Variants in AFF1 observed in about 807,000 individuals in gnomAD.
AFF1 encodes ALF transcription elongation factor 1.
In AFF1, 48 loss-of-function variants were observed where a neutral mutation model predicts 121.7. The observed-to-expected ratio is 0.39, with a 90% CI of 0.31 to 0.50. AFF1 has a LOEUF of 0.50. AFF1 is among the 20% of genes least tolerant of loss of function. AFF1 has a pLI of 0.76. For synonymous variants in AFF1, 613 were observed against 563.0 expected (o/e 1.09, Z -1.26); for missense variants, 1,523 against 1,511.7 (o/e 1.01, Z -0.12).
intron 2 of AFF1, among the ~76,000 whole-genome samples, chr4:86,963,991 A>G (rs922028808): frequency 3.0e-5 from 3 of 100,590 alleles, no homozygotes; most frequent in Admixed American, 1.0e-4. Context: ...TTTTAGTACA[A>G]TTTTTTTGTA....
intron 8 of AFF1, among the ~76,000 whole-genome samples, chr4:87,099,268 A>AT (rs1725182208): frequency 6.6e-6 from 1 of 152,250 alleles, no homozygotes; most frequent in Non-Finnish European, 1.5e-5. Flanking sequence ...TAATATCTAC[A>AT]TCCCTTATTC....
chr4:87,016,615 A>G (rs2149548591), intron 2 of AFF1, among the ~76,000 whole-genome samples: 1 of 152,174 alleles, frequency 6.6e-6, no homozygotes, highest in Middle Eastern at 3.4e-3. Context: ...CACTCATGTC[A>G]AGTGACAACT....
intron 12 of AFF1, among the ~76,000 whole-genome samples, chr4:87,118,381 A>G (rs915413387): frequency 1.3e-5 from 2 of 151,626 alleles, no homozygotes; most frequent in Non-Finnish European, 3.0e-5. Flanking sequence ...TGTGAGGGTA[A>G]ATACGCATGA....
At chr4:87,091,902 A>G in intron 7 of AFF1, 73 bp downstream of exon 7, 3 of 1,135,530 alleles carry the variant, frequency 2.6e-6, no homozygotes, top group Non-Finnish European at 2.5e-6. Flanking sequence ...TAAAAACATT[A>G]GTAAAAAATG....
chr4:87,061,849 A>T lies in AFF1; in HGVS notation c.1059+14255A>T, dbSNP rs532550344. Among the ~76,000 whole-genome samples the T allele has an allele frequency of 4.1e-5, 5 of 121,236 alleles. No homozygotes were observed. The East Asian group carries it at 1.2e-3, about 29-fold the overall frequency. 79.5% of individuals were successfully genotyped at this position (121,236 alleles called of 152,430 possible). A position where few individuals can be genotyped will look rare whatever the true frequency, so the allele number is the denominator to read the frequency against. On this transcript the variant is annotated intron_variant, in intron 4 of 20. Transcript: ENST00000395146. ...GGTAATGTCATCATGAAATGTCCTTAAAAAAATGTGATTGATTTCTCAAAC... is the reference window on the plus strand; with the variant it reads ...GGTAATGTCATCATGAAATGTCCTTTAAAAAATGTGATTGATTTCTCAAAC...
intron 1 of AFF1, among the ~76,000 whole-genome samples, chr4:86,947,446 G>C (rs1720943543): frequency 6.6e-6 from 1 of 152,196 alleles, no homozygotes; most frequent in Non-Finnish European, 1.5e-5. Flanking sequence ...CTCAGCCAAA[G>C]TTGTAACAGC....
At chr4:87,001,632 G>C (rs181440651) in intron 2 of AFF1, among the ~76,000 whole-genome samples, 40 of 152,284 alleles carry the variant, frequency 2.6e-4, no homozygotes, top group Middle Eastern at 3.4e-3. Flanking sequence ...CCCTTAGGTC[G>C]TGAGAATCTC....
intron 2 of AFF1, among the ~76,000 whole-genome samples, chr4:86,981,813 G>C (rs892499195): frequency 1.3e-5 from 2 of 152,180 alleles, no homozygotes. Flanking sequence ...AATAACAGAC[G>C]TGCATCACGA....
rs1392593907 is a variant in AFF1 at position 87,132,398 on chromosome 4, T to C, written c.3301T>C (p.Cys1101Arg). ...SSKVAQAPSP[C>R]IARSTGTPSP... The stretch of plus-strand genomic sequence containing the variant: ...CAAAGTCGCCCAGGCACCTTCTCCA[T>C]GCATTGCAAGGTAACTCTAAGTCTA... Residue 1101 changes from cysteine (C) to arginine (R), a missense_variant, in exon 19 of 21, where the codon TGC (cysteine) becomes CGC (arginine). Cys to Arg is a radical substitution (Grantham distance 180). Coordinates refer to ENST00000395146, the MANE Select transcript of AFF1 (RefSeq NM_001166693.3). The C allele has an allele frequency of 1.2e-6, 2 of 1,610,918 alleles. No homozygotes were observed. Among genetic ancestry groups the C allele is most frequent in the South Asian group, 2.2e-5 (2 of 90,320 alleles).
At chr4:87,117,857 C>G (rs891214637) in intron 12 of AFF1, among the ~76,000 whole-genome samples, 1 of 151,290 alleles carries the variant, frequency 6.6e-6, no homozygotes, top group Non-Finnish European at 1.5e-5. Flanking sequence ...GTCCCCCCTT[C>G]CTCATTAGCG....
At chr4:87,047,893 G>C (rs1038355735) in intron 4 of AFF1, 10 of 423,394 alleles carry the variant, frequency 2.4e-5, no homozygotes, top group African/African-American at 1.8e-4. Flanking sequence ...TCAAAAAATA[G>C]ATACACCTAT....
intron 2 of AFF1, among the ~76,000 whole-genome samples, chr4:87,000,171 ATCTT>A (rs1725576843): frequency 6.6e-6 from 1 of 152,192 alleles, no homozygotes; most frequent in Non-Finnish European, 1.5e-5. Context: ...GAAGAGGCAA[ATCTT>A]TCTTAGAGAA....
intron 2 of AFF1, among the ~76,000 whole-genome samples, chr4:87,029,168 A>C (rs1328598689): frequency 1.3e-5 from 2 of 152,166 alleles, no homozygotes; most frequent in African/African-American, 4.8e-5. Flanking sequence ...GTAAACTTTG[A>C]TATAAATATT....
chr4:86,937,170 C>T (rs1379373212), intron 1 of AFF1, among the ~76,000 whole-genome samples: 1 of 152,188 alleles, frequency 6.6e-6, no homozygotes, highest in Non-Finnish European at 1.5e-5. Context: ...ATTAATCTGC[C>T]TTATTCACTG....
chr4:86,936,872 AG>A (rs1720047035), intron 1 of AFF1, among the ~76,000 whole-genome samples: 1 of 152,248 alleles, frequency 6.6e-6, no homozygotes, highest in Non-Finnish European at 1.5e-5. Context: ...GGGAGATGAG[AG>A]AAAGCAACAA....
intron 2 of AFF1, among the ~76,000 whole-genome samples, chr4:86,956,486 A>G (rs899085418): frequency 2.0e-5 from 3 of 152,226 alleles, no homozygotes; most frequent in African/African-American, 4.8e-5. Flanking sequence ...AGCTATTTTA[A>G]GTATACAGTT....
At chr4:87,089,198 G>T (rs1724047833) in intron 5 of AFF1, among the ~76,000 whole-genome samples, 1 of 152,068 alleles carries the variant, frequency 6.6e-6, no homozygotes. Context: ...ATGCCATTTT[G>T]GCCTTTTAGA....
chr4:87,000,663 G>C (rs1725634288), intron 2 of AFF1, among the ~76,000 whole-genome samples: 1 of 145,904 alleles, frequency 6.9e-6, no homozygotes, highest in South Asian at 2.2e-4. Context: ...GGGGGAACTT[G>C]AGCTTGTTTG....
At chr4:86,995,710 T>G (rs924107759) in intron 2 of AFF1, among the ~76,000 whole-genome samples, 3 of 151,690 alleles carry the variant, frequency 2.0e-5, no homozygotes, top group Non-Finnish European at 2.9e-5. Flanking sequence ...AGTGCCGAGA[T>G]TGCAGCCTCT....
Sources: allele counts gnomAD v4.1 joint callset (sites outside exome capture counted in the v4.1 genomes callset), GRCh38; gene constraint gnomAD v4.1.1; transcripts MANE v1.5; gene names NCBI Gene and HGNC (gene_info 2026-07-23, HGNC 2026-07-21).